Variants in HMCN1 observed in about 807,000 individuals in gnomAD.
HMCN1 encodes hemicentin 1.
HMCN1 carries 321 observed loss-of-function variants against 625.9 expected under a neutral mutation model. The ratio of observed to expected loss-of-function variants is 0.51; its 90% CI spans 0.47 to 0.56. HMCN1 has a LOEUF of 0.56. HMCN1 is among the 20% of genes least tolerant of loss of function. The pLI is 0.00. For missense variants in HMCN1, 6,588 were observed against 6,887.3 expected (o/e 0.96, Z 1.54); for synonymous variants, 2,425 against 2,417.6 (o/e 1.00, Z -0.09).
Position 186,038,890 on chromosome 1 carries a change from C to G in HMCN1, c.5913C>G (p.Asn1971Lys), listed in dbSNP as rs201368468. 6.2e-7 allele frequency: 1 copy of G among 1,603,032 alleles called. No homozygotes were observed. The highest frequency in any genetic ancestry group is 8.5e-7 in the Non-Finnish European group (1 of 1,170,056). Residue 1971 changes from asparagine to lysine, a missense_variant, in exon 38 of 107, where the codon AAC becomes AAG. Transcript: ENST00000271588. ...LSGSTSMTFL[N>K]RGQIIDIESA... ...GTTCCACCAGCATGACTTTCTTGAACAGAGGACAGATCATTGATATTGAAA... is the reference window on the plus strand; with the variant it reads ...GTTCCACCAGCATGACTTTCTTGAAGAGAGGACAGATCATTGATATTGAAA...
At chr1:185,841,921 G>A (rs116382126) in intron 1 of HMCN1, among the ~76,000 whole-genome samples, 2,728 of 152,202 alleles carry the variant, frequency 0.018, 82 homozygotes, top group African/African-American at 0.057. Flanking sequence ...AACCTTTTTG[G>A]TACAAGATGT....
At chr1:186,075,314 A>G (rs566714793) in intron 53 of HMCN1, among the ~76,000 whole-genome samples, 5 of 152,232 alleles carry the variant, frequency 3.3e-5, no homozygotes, top group South Asian at 2.1e-4. Context: ...CCAAACCCCC[A>G]AAACATGCAA....
intron 19 of HMCN1, among the ~76,000 whole-genome samples, chr1:185,984,949 CA>C (rs201085095): frequency 6.6e-6 from 1 of 150,990 alleles, no homozygotes; most frequent in African/African-American, 2.4e-5. Flanking sequence ...TTAAAAAAAA[CA>C]AAAAAAACCA....
chr1:185,776,292 T>TAGATAG (rs899236952), intron 1 of HMCN1, among the ~76,000 whole-genome samples: 2 of 152,200 alleles, frequency 1.3e-5, no homozygotes, highest in Admixed American at 6.5e-5. Context: ...GCATTTTAAT[T>TAGATAG]AGATAGCTTG....
At chr1:185,790,837 G>T (rs1327845062) in intron 1 of HMCN1, among the ~76,000 whole-genome samples, 2 of 152,154 alleles carry the variant, frequency 1.3e-5, no homozygotes, top group Non-Finnish European at 1.5e-5. Flanking sequence ...TTTCTTCCAA[G>T]AGTCCTTAGC....
In HMCN1 at chr1:185,984,175, CAA is replaced by C; in HGVS notation, c.2800_2801del (p.Asn934SerfsTer8). On this transcript the variant is annotated frameshift_variant, in exon 19 of 107. Transcript: ENST00000271588. LOFTEE classifies it high-confidence loss of function. ...RWIKNSAMLL[Q>X]NPYITVRSDG... ...CCTTTTTTTTTCCTTTAAGTTGCTCCAAAATCCTTACATCACTGTGCGCAGTG... is the reference window on the plus strand; with the variant it reads ...CCTTTTTTTTTCCTTTAAGTTGCTCCAATCCTTACATCACTGTGCGCAGTG... 6.2e-7 allele frequency: 1 copy of C among 1,612,710 alleles called. No homozygotes were observed. Among genetic ancestry groups the C allele is most frequent in the African/African-American group, 1.3e-5 (1 of 74,854 alleles).
intron 55 of HMCN1, among the ~76,000 whole-genome samples, chr1:186,079,030 T>C (rs756605433): frequency 1.4e-4 from 21 of 152,220 alleles, no homozygotes; most frequent in Non-Finnish European, 2.8e-4. Context: ...CTTGACCTTG[T>C]CAGGTTCACA....
intron 1 of HMCN1, among the ~76,000 whole-genome samples, chr1:185,743,924 T>C (rs1306176773): frequency 2.0e-5 from 3 of 151,260 alleles, no homozygotes; most frequent in Non-Finnish European, 4.4e-5. Context: ...ACAACACTTA[T>C]ACAGTAAGAC....
chr1:186,142,918 A>G (rs1162229832), intron 89 of HMCN1, among the ~76,000 whole-genome samples: 1 of 152,222 alleles, frequency 6.6e-6, no homozygotes, highest in Non-Finnish European at 1.5e-5. Context: ...AATAAAATGT[A>G]TTAAAATAAT....
intron 1 of HMCN1, among the ~76,000 whole-genome samples, chr1:185,804,164 T>C (rs1223109839): frequency 6.6e-6 from 1 of 152,058 alleles, no homozygotes; most frequent in East Asian, 1.9e-4. Context: ...TTTTATATGC[T>C]CTATGTTTTC....
At chr1:185,991,592 A>G (rs1652425993) in intron 22 of HMCN1, among the ~76,000 whole-genome samples, 1 of 152,120 alleles carries the variant, frequency 6.6e-6, no homozygotes, top group Non-Finnish European at 1.5e-5. Flanking sequence ...TTAAGTCAAC[A>G]TTTATCTACT....
At chr1:186,170,738 A>T (rs1222853609) in intron 100 of HMCN1, among the ~76,000 whole-genome samples, 1 of 152,130 alleles carries the variant, frequency 6.6e-6, no homozygotes, top group Non-Finnish European at 1.5e-5. Flanking sequence ...AAAGGAAAGT[A>T]AAGGAAAGAA....
intron 1 of HMCN1, among the ~76,000 whole-genome samples, chr1:185,782,767 G>T (rs921640086): frequency 6.6e-6 from 1 of 152,016 alleles, no homozygotes; most frequent in Non-Finnish European, 1.5e-5. Flanking sequence ...TTGTCTCTGG[G>T]TGCCCTTAAC....
chr1:186,002,755 AC>A (rs1216692782), intron 28 of HMCN1, among the ~76,000 whole-genome samples: 2 of 152,062 alleles, frequency 1.3e-5, no homozygotes, highest in Admixed American at 1.3e-4. Context: ...TTTATATCAA[AC>A]AAAAAGGTCC....
chr1:186,097,004 C>T (rs1660167620), intron 68 of HMCN1, among the ~76,000 whole-genome samples: 1 of 152,132 alleles, frequency 6.6e-6, no homozygotes, highest in Non-Finnish European at 1.5e-5. Context: ...CCCACTTTCT[C>T]TACTTCTATT....
intron 54 of HMCN1, 65 bp downstream of exon 54, chr1:186,076,687 T>C: frequency 6.7e-7 from 1 of 1,495,498 alleles, no homozygotes; most frequent in Non-Finnish European, 9.2e-7. Flanking sequence ...TCTCATGTAT[T>C]AGACGAATTG....
chr1:185,968,558 ACAGTT>A (rs1245572856), intron 14 of HMCN1, among the ~76,000 whole-genome samples: 1 of 151,658 alleles, frequency 6.6e-6, no homozygotes, highest in Non-Finnish European at 1.5e-5. Context: ...TTTTAACAGT[ACAGTT>A]AAGAAGTTTT....
intron 66 of HMCN1, among the ~76,000 whole-genome samples, 175 bp from the exon 67 acceptor site, chr1:186,094,101 T>C (rs1558218282): frequency 6.6e-6 from 1 of 152,146 alleles, no homozygotes; most frequent in Non-Finnish European, 1.5e-5. Context: ...TAATCAGCTT[T>C]GTAGAATAAA....
At chr1:185,766,333 G>A (rs1323267764) in intron 1 of HMCN1, among the ~76,000 whole-genome samples, 1 of 152,132 alleles carries the variant, frequency 6.6e-6, no homozygotes, top group African/African-American at 2.4e-5. Context: ...AGCTGCTTCT[G>A]TCTGAGGACA....
Sources: allele counts gnomAD v4.1 joint callset (sites outside exome capture counted in the v4.1 genomes callset), GRCh38; gene constraint gnomAD v4.1.1; transcripts MANE v1.5; gene names NCBI Gene and HGNC (gene_info 2026-07-23, HGNC 2026-07-21).